Variants in SVOP observed in about 807,000 individuals in gnomAD.
SVOP encodes SV2 related protein, also known as synaptic vesicle 2-related protein.
A neutral mutation model predicts 69.1 loss-of-function variants in SVOP; 17 were observed. The ratio of observed to expected loss-of-function variants is 0.25; its 90% CI spans 0.17 to 0.37. The LOEUF is 0.37. Among genes scored for constraint, SVOP ranks in the 10% least tolerant of loss-of-function variants. The pLI is 1.00. For missense variants in SVOP, 435 were observed against 597.5 expected, an observed-to-expected ratio of 0.73 and a Z score of 2.84; for synonymous variants, 238 against 238.6, an observed-to-expected ratio of 1.00 and a Z score of 0.02.
chr12:108,991,047 C>T (rs982588562), intron 1 of SVOP, among the ~76,000 whole-genome samples: 4 of 152,314 alleles, frequency 2.6e-5, no homozygotes, highest in African/African-American at 9.6e-5. Flanking sequence ...GACTGAGCCC[C>T]GAGGAGTCTC....
At chr12:108,946,026 A>C (rs1237522092) in intron 6 of SVOP, among the ~76,000 whole-genome samples, 3 of 152,078 alleles carry the variant, frequency 2.0e-5, no homozygotes. Flanking sequence ...ACCTCTACCC[A>C]CCAGCTTTTA....
At chr12:108,934,543 T>C (rs2039844691) in intron 10 of SVOP, among the ~76,000 whole-genome samples, 1 of 151,978 alleles carries the variant, frequency 6.6e-6, no homozygotes. Context: ...TGAATAGGGG[T>C]TGGGTAAATG....
chr12:108,986,088 T>G (rs1178397026), intron 1 of SVOP, among the ~76,000 whole-genome samples: 3 of 152,214 alleles, frequency 2.0e-5, no homozygotes, highest in African/African-American at 7.2e-5. Flanking sequence ...TGGTGGGGTT[T>G]GAAGCTTGGT....
chr12:108,996,612 G>A (rs1406087526), intron 1 of SVOP, among the ~76,000 whole-genome samples: 1 of 151,906 alleles, frequency 6.6e-6, no homozygotes, highest in Non-Finnish European at 1.5e-5. Context: ...AGAGGCCCCA[G>A]CAATCCCTTA....
At position 108,933,802 on chromosome 12, in the gene SVOP, T is replaced by C. The variant is rs567816751; in HGVS notation, c.1048+393A>G. ...AGCTGGCTGACAAGAAAATCTGCTC[T>C]GTTTTAATCCAATAAGGAAAGTCAC... is the stretch of plus-strand genomic sequence containing the variant. On this transcript the variant is annotated intron_variant, in intron 11 of 15. Coordinates refer to ENST00000610966, the MANE Select transcript of SVOP (RefSeq NM_018711.5). 5.9e-5 allele frequency among the ~76,000 whole-genome samples: 9 copies of C among 152,356 alleles called. No homozygotes were observed. The East Asian group carries it at 1.5e-3, about 26-fold the overall frequency.
At chr12:108,963,192 T>C (rs2040026745) in intron 5 of SVOP, among the ~76,000 whole-genome samples, 1 of 151,846 alleles carries the variant, frequency 6.6e-6, no homozygotes, top group African/African-American at 2.4e-5. Flanking sequence ...GCTCCAAGGG[T>C]GAGTTCACCT....
intron 8 of SVOP, among the ~76,000 whole-genome samples, chr12:108,940,138 T>C: frequency 6.6e-6 from 1 of 152,204 alleles, no homozygotes; most frequent in South Asian, 2.1e-4. Flanking sequence ...ATAAATATGA[T>C]AATGCATGGA....
chr12:108,963,895 CT>C (rs2040030954), intron 5 of SVOP, among the ~76,000 whole-genome samples: 1 of 152,174 alleles, frequency 6.6e-6, no homozygotes, highest in African/African-American at 2.4e-5. Context: ...AATAACATTG[CT>C]TTGTTTGTGT....
At chr12:108,997,481 C>T (rs1434923626) in intron 1 of SVOP, among the ~76,000 whole-genome samples, 1 of 152,124 alleles carries the variant, frequency 6.6e-6, no homozygotes, top group East Asian at 1.9e-4. Flanking sequence ...GGCCTGCCTG[C>T]CTCTGTAGGC....
chr12:108,939,288 A>G (rs2039875507), intron 8 of SVOP, among the ~76,000 whole-genome samples: 1 of 152,164 alleles, frequency 6.6e-6, no homozygotes, highest in African/African-American at 2.4e-5. Flanking sequence ...TATTATTGTC[A>G]CGGTTGCTAT....
chr12:108,993,647 T>G (rs949420197), intron 1 of SVOP, among the ~76,000 whole-genome samples: 36 of 152,108 alleles, frequency 2.4e-4, no homozygotes, highest in African/African-American at 8.2e-4. Context: ...ATGCTGCAAA[T>G]AAAATAAACT....
intron 5 of SVOP, among the ~76,000 whole-genome samples, chr12:108,964,198 T>C (rs1158639079): frequency 2.0e-5 from 3 of 150,974 alleles, no homozygotes; most frequent in African/African-American, 7.3e-5. Context: ...CTACAAAAAT[T>C]AAATCAAAAA....
At chr12:108,944,179 CTT>C (rs36133433) in intron 7 of SVOP, among the ~76,000 whole-genome samples, 2,539 of 143,292 alleles carry the variant, frequency 0.018, 29 homozygotes, top group Middle Eastern at 0.084. Context: ...TGCGCCTGGC[CTT>C]TTTTTTTTTT....
intron 1 of SVOP, among the ~76,000 whole-genome samples, chr12:109,018,062 G>C (rs1433536514): frequency 6.6e-6 from 1 of 151,674 alleles, no homozygotes; most frequent in Non-Finnish European, 1.5e-5. Flanking sequence ...AGAATCCTTT[G>C]TACCTAGGAT....
At chr12:108,940,650 G>A (rs1023147993) in intron 8 of SVOP, 134 bp downstream of exon 8, 1 of 1,339,388 alleles carries the variant, frequency 7.5e-7, no homozygotes, top group African/African-American at 1.5e-5. Context: ...TAGCTCCCTT[G>A]TCTCATTTCC....
chr12:108,994,073 C>T (rs2040218317), intron 1 of SVOP, among the ~76,000 whole-genome samples: 1 of 152,178 alleles, frequency 6.6e-6, no homozygotes. Flanking sequence ...ACCACTGCAA[C>T]CTTTTGGAAG....
intron 6 of SVOP, among the ~76,000 whole-genome samples, chr12:108,959,829 G>A (rs1566057571): frequency 6.6e-6 from 1 of 152,196 alleles, no homozygotes; most frequent in African/African-American, 2.4e-5. Flanking sequence ...TAGCAAGGCA[G>A]TAAAATGCAA....
At chr12:108,958,052 T>C (rs757741745) in intron 6 of SVOP, among the ~76,000 whole-genome samples, 2 of 152,254 alleles carry the variant, frequency 1.3e-5, no homozygotes, top group Admixed American at 6.5e-5. Flanking sequence ...GGTGGTCCCA[T>C]AAGATTATAA....
chr12:109,000,937 A>G (rs1381787120), intron 1 of SVOP, among the ~76,000 whole-genome samples: 6 of 150,166 alleles, frequency 4.0e-5, no homozygotes, highest in African/African-American at 7.4e-5. Flanking sequence ...CTCCTATTCA[A>G]CATAGTGTTG....
Sources: allele counts gnomAD v4.1 joint callset (sites outside exome capture counted in the v4.1 genomes callset), GRCh38; gene constraint gnomAD v4.1.1; transcripts MANE v1.5; gene names NCBI Gene and HGNC (gene_info 2026-07-23, HGNC 2026-07-21).